PIEZO2: variants seen among roughly 807,000 people sequenced by gnomAD.
PIEZO2 encodes piezo type mechanosensitive ion channel component 2.
In PIEZO2, 172 loss-of-function variants were observed where a neutral mutation model predicts 337.3. The ratio of observed to expected loss-of-function variants is 0.51; its 90% confidence interval spans 0.45 to 0.58. The LOEUF (loss-of-function observed/expected upper bound fraction) is 0.58, where lower values mean the gene tolerates loss of function less well. Ranked by LOEUF, PIEZO2 falls within the 20% of genes least tolerant of loss-of-function variation. PIEZO2 has a pLI of 0.00. For synonymous variants in PIEZO2, 1,251 were observed against 1,228.5 expected (o/e 1.02, Z -0.38); for missense variants, 3,028 against 3,391.3 (o/e 0.89, Z 2.66).
intron 2 of PIEZO2, among the ~76,000 whole-genome samples, 163 bp downstream of exon 2, chr18:11,065,964 C>T (rs141249434): frequency 6.5e-4 from 99 of 152,302 alleles, no homozygotes; most frequent in Admixed American, 1.5e-3. Flanking sequence ...CTATACAGCT[C>T]TACTTAGTGT....
chr18:10,798,760 G>A (rs183333730), intron 11 of PIEZO2, among the ~76,000 whole-genome samples: 471 of 152,276 alleles, frequency 3.1e-3, no homozygotes, highest in Non-Finnish European at 4.9e-3. Context: ...CAGCTCAAAC[G>A]TCAGAAGCCA....
At chr18:10,892,501 G>T (rs537451878) in intron 4 of PIEZO2, among the ~76,000 whole-genome samples, 2 of 152,124 alleles carry the variant, frequency 1.3e-5, no homozygotes, top group South Asian at 4.1e-4. Context: ...ACTGCCGAGG[G>T]CAGGAGACTC....
chr18:10,916,493 G>A (rs907835684), intron 3 of PIEZO2, among the ~76,000 whole-genome samples: 1 of 152,176 alleles, frequency 6.6e-6, no homozygotes, highest in African/African-American at 2.4e-5. Context: ...GAGTGCTGGG[G>A]GACCCAGTTC....
At chr18:10,976,839 A>G (rs1215254140) in intron 3 of PIEZO2, among the ~76,000 whole-genome samples, 1 of 152,150 alleles carries the variant, frequency 6.6e-6, no homozygotes, top group Non-Finnish European at 1.5e-5. Context: ...GGAAAGAGGC[A>G]GGTCAAGAGG....
In PIEZO2 at chr18:10,930,636, C is replaced by G. The variant is rs7226602; in HGVS notation, c.287-19408G>C. Among the ~76,000 whole-genome samples, 673 of 152,294 alleles carry G rather than the reference C, an allele frequency of 4.4e-3. 8 individuals carry two copies. The highest frequency in any genetic ancestry group is 0.015 in the African/African-American group (642 of 41,550). ...AACAAACCTCTAAATTGATTGAGAC[C>G]TATTTCAGATACTTTTTGGTTTACA... On this transcript the variant is annotated intron_variant, in intron 3 of 55. Transcript: ENST00000674853.
chr18:10,863,968 A>G lies in PIEZO2; in HGVS notation c.493-6757T>C, dbSNP rs1299284335. Among the ~76,000 whole-genome samples, 1 of 152,114 alleles carries G rather than the reference A, an allele frequency of 6.6e-6. No homozygotes were observed. Among genetic ancestry groups the G allele is most frequent in the Non-Finnish European group, 1.5e-5 (1 of 68,018 alleles). ...CTATTTTCTCTTGTAGGAACCAGCT[A>G]AGTGTAGCTGTTCTAAATGATTCAC... On this transcript the variant is annotated intron_variant, in intron 5 of 55. Coordinates refer to ENST00000674853, the MANE Select transcript of PIEZO2 (RefSeq NM_001378183.1). This position sits in a 1 kb window ranked among gnomAD's most constrained non-coding sequence, Gnocchi z 4.3.
rs2041387024 is a variant in PIEZO2 at position 10,847,027 on chromosome 18, T to G, written c.917+8326A>C. Among the ~76,000 whole-genome samples the G allele has an allele frequency of 6.6e-6, 1 of 152,174 alleles. No homozygotes were observed. Among genetic ancestry groups the G allele is most frequent in the Admixed American group, 6.5e-5 (1 of 15,268 alleles). On this transcript the variant is annotated intron_variant, in intron 7 of 55. Coordinates refer to ENST00000674853, the MANE Select transcript of PIEZO2 (RefSeq NM_001378183.1). The surrounding 1 kb of genome is among the most constrained non-coding windows in gnomAD (Gnocchi z 5.7). ...CTGGGCACTATCTTCACCCCTATTT[T>G]ATAAATAAGGAAACAGAGGTACAGA...
rs1411278506 is a variant in PIEZO2, at chr18:11,028,900, A to G, written c.160+37227T>C. Among the ~76,000 whole-genome samples, 2 of 152,190 alleles carry G rather than the reference A, an allele frequency of 1.3e-5. No individual in the cohort carries two copies. The highest frequency in any genetic ancestry group is 3.9e-4 in the East Asian group (2 of 5,188). ...TGCCAAAGAATACATTTGGTGTCAT[A>G]GGAAACAGAGTTGAAAAAAAATTTA... On this transcript the variant is annotated intron_variant, in intron 2 of 55. Transcript: ENST00000674853. This position sits in a 1 kb window ranked among gnomAD's most constrained non-coding sequence, Gnocchi z 4.8.
Position 11,143,639 on chromosome 18 carries a change from ACTCTCTCT to A in PIEZO2, c.64+4878_64+4885del, listed in dbSNP as rs1243372461. 4.3e-5 allele frequency among the ~76,000 whole-genome samples: 4 copies of A among 92,802 alleles called. No homozygotes were observed. The highest frequency in any genetic ancestry group is 1.6e-4 in the African/African-American group (3 of 18,756). 60.9% of individuals were successfully genotyped at this position (92,802 alleles called of 152,430 possible). ...CACACACACACACACACACACACAC[ACTCTCTCT>A]CTCTCTCTCTCTCTCTCTCTCTCTC... On this transcript the variant is annotated intron_variant, in intron 1 of 55. Transcript: ENST00000674853. This position sits in a 1 kb window ranked among gnomAD's most constrained non-coding sequence, Gnocchi z 4.9.
chr18:10,978,836 C>T (rs921178053), intron 3 of PIEZO2, among the ~76,000 whole-genome samples: 1 of 152,122 alleles, frequency 6.6e-6, no homozygotes, highest in African/African-American at 2.4e-5. Context: ...TTGCTTTCAC[C>T]TACTTGACTG....
In PIEZO2 at chr18:10,813,403, C is replaced by T. The variant is rs1037353794; in HGVS notation, c.918-6129G>A. Among the ~76,000 whole-genome samples, 1 of 152,112 alleles carries T rather than the reference C, an allele frequency of 6.6e-6. No homozygotes were observed. Among genetic ancestry groups the T allele is most frequent in the African/African-American group, 2.4e-5 (1 of 41,410 alleles). ...TTCTGTACACATTAAATAAAAACTC[C>T]CTATTCCCTTCTCCTCCCAGGCCCT... is the stretch of plus-strand genomic sequence containing the variant. On this transcript the variant is annotated intron_variant, in intron 7 of 55. Transcript: ENST00000674853. This position sits in a 1 kb window ranked among gnomAD's most constrained non-coding sequence, Gnocchi z 4.2.
At chr18:11,144,530 A>G (rs2040757496) in intron 1 of PIEZO2, among the ~76,000 whole-genome samples, 1 of 152,234 alleles carries the variant, frequency 6.6e-6, no homozygotes, top group Non-Finnish European at 1.5e-5. Context: ...GATATATATT[A>G]CACAGGAAAA....
intron 49 of PIEZO2, among the ~76,000 whole-genome samples, chr18:10,685,302 G>C (rs2034500857): frequency 6.6e-6 from 1 of 152,094 alleles, no homozygotes; most frequent in Non-Finnish European, 1.5e-5. Flanking sequence ...GATTCATTCA[G>C]ACTCCCCAAT....
At chr18:10,858,005 C>CTTTT (rs113821994) in intron 5 of PIEZO2, among the ~76,000 whole-genome samples, 1 of 138,906 alleles carries the variant, frequency 7.2e-6, no homozygotes. Context: ...TTCTTTCTTT[C>CTTTT]TTTTTTTTTT....
intron 1 of PIEZO2, among the ~76,000 whole-genome samples, chr18:11,135,985 T>C (rs2040472445): frequency 6.6e-6 from 1 of 152,212 alleles, no homozygotes; most frequent in African/African-American, 2.4e-5. Context: ...ATTTGTTTTC[T>C]CCTAAGTAAT....
At chr18:11,103,392 T>C (rs1050818663) in intron 1 of PIEZO2, among the ~76,000 whole-genome samples, 1 of 152,138 alleles carries the variant, frequency 6.6e-6, no homozygotes, top group Non-Finnish European at 1.5e-5. Context: ...GAGACATGAC[T>C]TCCAAGATCC....
Position 10,689,798 on chromosome 18 carries a change from G to A in PIEZO2, c.7354C>T (p.Arg2452Cys), listed in dbSNP as rs775464447. 2 of 1,606,552 alleles carry A rather than the reference G, an allele frequency of 1.2e-6. No homozygotes were observed. The highest frequency in any genetic ancestry group is 1.3e-5 in the African/African-American group (1 of 74,868). The change falls in exon 49 of 56, where the codon CGC (arginine) becomes TGC (cysteine). Residue 2452 changes from arginine to cysteine, a missense_variant. Around this residue, in one of 5 missense-constraint regions of PIEZO2, gnomAD observed 179 missense variants for 281.8 expected, o/e 0.64. Transcript: ENST00000674853. ...AGCTCAGTCAAAAAGGGCACGAGGC[G>A]AAACCTGGCAGGAAACACATCTCGT... is the stretch of plus-strand genomic sequence containing the variant. ...YVNLFLFQGFRLVPFLTELRA... is the reference protein window; with the variant it reads ...YVNLFLFQGFCLVPFLTELRA...
chr18:10,772,723 T>G (rs2038647816), intron 20 of PIEZO2, among the ~76,000 whole-genome samples: 1 of 152,210 alleles, frequency 6.6e-6, no homozygotes, highest in African/African-American at 2.4e-5. Flanking sequence ...TTCTGGAAAC[T>G]GCTACATAGA....
At position 10,903,375 on chromosome 18, in the gene PIEZO2, A is replaced by C. The variant is rs968010743; in HGVS notation, c.329+7811T>G. Among the ~76,000 whole-genome samples, 1 of 152,120 alleles carries C rather than the reference A, an allele frequency of 6.6e-6. No individual in the cohort carries two copies. Among genetic ancestry groups the C allele is most frequent in the African/African-American group, 2.4e-5 (1 of 41,408 alleles). Reference sequence around the variant, plus strand: ...TTCAATGGCTCCCCATTACTACTGAATAAGATTCAAGGCCAGGCACGGTGG... The same window carrying C: ...TTCAATGGCTCCCCATTACTACTGACTAAGATTCAAGGCCAGGCACGGTGG... On this transcript the variant is annotated intron_variant, in intron 4 of 55. Coordinates refer to ENST00000674853, the MANE Select transcript of PIEZO2 (RefSeq NM_001378183.1). This position sits in a 1 kb window ranked among gnomAD's most constrained non-coding sequence, Gnocchi z 4.1.
Sources: allele counts gnomAD v4.1 joint callset (sites outside exome capture counted in the v4.1 genomes callset), GRCh38; gene constraint gnomAD v4.1.1; regional missense constraint gnomAD v4.1.1; non-coding constraint Gnocchi (gnomAD v3.1); transcripts MANE v1.5; gene names NCBI Gene and HGNC (gene_info 2026-07-23, HGNC 2026-07-21).